The following SUCLG2 variants were observed in gnomAD, a reference collection of about 807,000 sequenced individuals.
SUCLG2 encodes succinate-CoA ligase GDP-forming subunit beta.
Under a neutral mutation model 47.9 loss-of-function variants are expected in SUCLG2, and 42 were observed. That is an observed-to-expected ratio of 0.88 (90% CI 0.69 to 1.14). The LOEUF (loss-of-function observed/expected upper bound fraction) is 1.14. Among genes scored for constraint, SUCLG2 ranks in the 50% most tolerant of loss-of-function variants. SUCLG2 has a pLI of 0.00. For synonymous variants in SUCLG2, 195 were observed against 197.3 expected (o/e 0.99, Z 0.10); for missense variants, 571 against 525.9 (o/e 1.09, Z -0.84).
intron 2 of SUCLG2, among the ~76,000 whole-genome samples, chr3:67,552,607 T>C (rs778864092): frequency 2.6e-5 from 4 of 152,230 alleles, no homozygotes; most frequent in South Asian, 2.1e-4. Context: ...TTAGATTTTG[T>C]GGATTGCCAT....
chr3:67,452,981 A>G (rs1704093481), intron 9 of SUCLG2, among the ~76,000 whole-genome samples: 1 of 152,192 alleles, frequency 6.6e-6, no homozygotes, highest in Non-Finnish European at 1.5e-5. Flanking sequence ...GTAATCATAG[A>G]TGAAGGTCTA....
chr3:67,517,479 C>G (rs531780907), intron 6 of SUCLG2, among the ~76,000 whole-genome samples: 1 of 152,152 alleles, frequency 6.6e-6, no homozygotes, highest in African/African-American at 2.4e-5. Context: ...CTCTGAGTAA[C>G]AGAGGAAGGA....
At chr3:67,415,734 C>T (rs1703026032) in intron 9 of SUCLG2, among the ~76,000 whole-genome samples, 1 of 152,212 alleles carries the variant, frequency 6.6e-6, no homozygotes, top group South Asian at 2.1e-4. Flanking sequence ...TGAAGATCTC[C>T]TTCCATGGTA....
intron 2 of SUCLG2, among the ~76,000 whole-genome samples, chr3:67,560,136 T>C (rs1707270496): frequency 6.6e-6 from 1 of 152,170 alleles, no homozygotes; most frequent in Admixed American, 6.5e-5. Context: ...CCTCTGAAAA[T>C]TCAGTTGTTG....
chr3:67,487,385 T>G (rs141255694), intron 9 of SUCLG2, among the ~76,000 whole-genome samples: 30 of 152,268 alleles, frequency 2.0e-4, no homozygotes, highest in Middle Eastern at 3.4e-3. Flanking sequence ...TACTTTATTA[T>G]AGTGAGACAT....
In SUCLG2 at chr3:67,555,488, T is replaced by C. The variant is rs76456632; in HGVS notation, c.227-26302A>G. ...CACAAACAAGTGCCCAGATCTTAGT[T>C]TCTAAATACAATCTTTCCCAAAAAC... On this transcript the variant is annotated intron_variant, in intron 2 of 10. Coordinates refer to ENST00000307227, the MANE Select transcript of SUCLG2 (RefSeq NM_003848.4). Among the ~76,000 whole-genome samples the C allele has an allele frequency of 8.1e-4, 123 of 152,244 alleles. 3 individuals carry two copies. The East Asian group carries it at 0.022, about 27-fold the overall frequency.
chr3:67,643,311 TG>T (rs997378985), intron 1 of SUCLG2, among the ~76,000 whole-genome samples: 2 of 152,182 alleles, frequency 1.3e-5, no homozygotes, highest in Non-Finnish European at 2.9e-5. Flanking sequence ...TTATCTTACT[TG>T]TTTTTATTAA....
At chr3:67,447,215 A>T (rs1210012885) in intron 9 of SUCLG2, among the ~76,000 whole-genome samples, 1 of 152,226 alleles carries the variant, frequency 6.6e-6, no homozygotes, top group Admixed American at 6.5e-5. Context: ...CTCATTTCTC[A>T]ACTGTAATAA....
intron 9 of SUCLG2, among the ~76,000 whole-genome samples, chr3:67,492,277 T>G (rs763145342): frequency 1.3e-5 from 2 of 152,344 alleles, no homozygotes; most frequent in East Asian, 3.9e-4. Flanking sequence ...CCTTTCCTTG[T>G]ATTCACTTCA....
downstream of SUCLG2, among the ~76,000 whole-genome samples, chr3:67,372,289 C>A (rs114578024): frequency 6.6e-6 from 1 of 152,118 alleles, no homozygotes; most frequent in Non-Finnish European, 1.5e-5. Flanking sequence ...CCATTAACTA[C>A]GAAACTCAAG....
Position 67,375,073 on chromosome 3 carries a change from T to G in SUCLG2, c.*671A>C, listed in dbSNP as rs11544843. On this transcript the variant is annotated 3_prime_UTR_variant, in exon 11 of 11. Coordinates refer to ENST00000307227, the MANE Select transcript of SUCLG2 (RefSeq NM_003848.4). ...ATCACAAATAAGGCTTCTGGTTTTC[T>G]TTTTAGTGTGAGGTAAACAGTATAT... The G allele has an allele frequency of 2.0e-6, 2 of 985,690 alleles. No homozygotes were observed. The highest frequency in any genetic ancestry group is 2.3e-4 in the East Asian group (2 of 8,832). The allele number at this position is 985,690 out of a possible 1,614,324, so 61.1% of individuals were successfully genotyped here.
chr3:67,631,593 C>T (rs1322853114), intron 1 of SUCLG2, among the ~76,000 whole-genome samples: 1 of 152,130 alleles, frequency 6.6e-6, no homozygotes, highest in Non-Finnish European at 1.5e-5. Context: ...CACCACTACA[C>T]TCCAGCCTAG....
intron 9 of SUCLG2, among the ~76,000 whole-genome samples, chr3:67,475,798 C>T (rs1704734906): frequency 6.6e-6 from 1 of 151,904 alleles, no homozygotes; most frequent in African/African-American, 2.4e-5. Context: ...AAATGATCCT[C>T]CCACCTCGGC....
intron 2 of SUCLG2, among the ~76,000 whole-genome samples, chr3:67,607,175 C>T (rs1018465812): frequency 7.2e-5 from 11 of 152,142 alleles, no homozygotes; most frequent in Admixed American, 5.9e-4. Flanking sequence ...CATGCAAATC[C>T]TTCTAGTGTC....
chr3:67,579,720 A>C (rs1355395369), intron 2 of SUCLG2, among the ~76,000 whole-genome samples: 1 of 152,212 alleles, frequency 6.6e-6, no homozygotes, highest in Non-Finnish European at 1.5e-5. Flanking sequence ...TGTTAGAAAA[A>C]ATCAAATTTT....
chr3:67,624,914 A>G (rs1700796467), intron 1 of SUCLG2, among the ~76,000 whole-genome samples: 1 of 152,246 alleles, frequency 6.6e-6, no homozygotes, highest in Non-Finnish European at 1.5e-5. Flanking sequence ...TGTGATGACA[A>G]AGACCTCAGA....
At chr3:67,529,242 T>C in intron 2 of SUCLG2, 56 bp from the exon 3 acceptor site, 1 of 1,420,930 alleles carries the variant, frequency 7.0e-7, no homozygotes, top group Non-Finnish European at 9.8e-7. Flanking sequence ...TTTTGTTTTT[T>C]AAGCAATAAG....
At chr3:67,471,071 T>C (rs937791814) in intron 9 of SUCLG2, among the ~76,000 whole-genome samples, 2 of 152,180 alleles carry the variant, frequency 1.3e-5, no homozygotes, top group East Asian at 1.9e-4. Flanking sequence ...ATAGAAAATA[T>C]TGCTAACACT....
At chr3:67,456,962 A>C (rs1183980738) in intron 9 of SUCLG2, among the ~76,000 whole-genome samples, 1 of 152,216 alleles carries the variant, frequency 6.6e-6, no homozygotes, top group Non-Finnish European at 1.5e-5. Flanking sequence ...TAGTTTTTGA[A>C]AATTTTAAAT....
Sources: gnomAD v4.1 joint callset for allele counts (sites outside exome capture counted in the v4.1 genomes callset) on GRCh38, gnomAD v4.1.1 for gene constraint, MANE v1.5 for transcripts, NCBI Gene and HGNC (gene_info 2026-07-23, HGNC 2026-07-21) for gene names.